Variants in MPPED2 observed in about 807,000 individuals in gnomAD.
MPPED2 encodes the protein metallophosphoesterase domain containing 2.
A neutral mutation model predicts 33.0 loss-of-function variants in MPPED2; 5 were observed. The ratio of observed to expected loss-of-function variants is 0.15; its 90% CI spans 0.08 to 0.32. The LOEUF (loss-of-function observed/expected upper bound fraction) is 0.32, where lower values mean the gene tolerates loss of function less well. Ranked by LOEUF, MPPED2 falls within the 10% of genes least tolerant of loss-of-function variation. The probability of loss-of-function intolerance (pLI) is 1.00; values close to 1 mark genes in which losing one functional copy is unlikely to be tolerated. For missense variants in MPPED2, 275 were observed against 372.1 expected, an observed-to-expected ratio of 0.74 and a Z score of 2.15; for synonymous variants, 136 against 141.9, an observed-to-expected ratio of 0.96 and a Z score of 0.29.
chr11:30,584,860 C>G (rs1399010983), intron 1 of MPPED2: 1 of 152,300 alleles, frequency 6.6e-6, no homozygotes, highest in East Asian at 1.9e-4. Flanking sequence ...GGATCTCCCC[C>G]TCTTCTGACA....
chr11:30,563,138 A>G (rs559671290), intron 2 of MPPED2, among the ~76,000 whole-genome samples: 23 of 151,948 alleles, frequency 1.5e-4, no homozygotes, highest in Admixed American at 1.4e-3. Flanking sequence ...AATGACACCC[A>G]GCTTCCCCCA....
intron 3 of MPPED2, 107 bp downstream of exon 3, chr11:30,535,887 G>T: frequency 2.2e-6 from 2 of 903,964 alleles, no homozygotes; most frequent in East Asian, 2.8e-5. Flanking sequence ...TATCATACGA[G>T]AAATGGCTGA....
chr11:30,567,864 C>G (rs1241866850), intron 2 of MPPED2, among the ~76,000 whole-genome samples: 6 of 152,200 alleles, frequency 3.9e-5, no homozygotes, highest in African/African-American at 1.4e-4. Flanking sequence ...TTTATTAAGT[C>G]TCTGCCCCTG....
At chr11:30,476,783 G>C (rs1951223442) in intron 4 of MPPED2, among the ~76,000 whole-genome samples, 1 of 152,014 alleles carries the variant, frequency 6.6e-6, no homozygotes. Flanking sequence ...CCAAAAGCCT[G>C]CTGAGATTTT....
chr11:30,514,681 T>C (rs779830396), intron 3 of MPPED2, among the ~76,000 whole-genome samples: 3 of 152,236 alleles, frequency 2.0e-5, no homozygotes, highest in Non-Finnish European at 4.4e-5. Context: ...CCTGGTAAGA[T>C]ATTATAATTT....
At chr11:30,497,752 T>C (rs957255382) in intron 3 of MPPED2, among the ~76,000 whole-genome samples, 23 of 152,108 alleles carry the variant, frequency 1.5e-4, no homozygotes, top group Non-Finnish European at 3.2e-4. Context: ...AAGTAAATCT[T>C]TCTCAGAAAG....
chr11:30,530,393 A>G (rs1954452865), intron 3 of MPPED2, among the ~76,000 whole-genome samples: 1 of 152,236 alleles, frequency 6.6e-6, no homozygotes, highest in South Asian at 2.1e-4. Flanking sequence ...TATACTCAGA[A>G]CCAGGCATAC....
intron 2 of MPPED2, among the ~76,000 whole-genome samples, chr11:30,562,760 C>A (rs1017725342): frequency 2.6e-5 from 4 of 152,062 alleles, no homozygotes; most frequent in African/African-American, 9.7e-5. Flanking sequence ...GTAGGCCATA[C>A]GTAAAATTCT....
intron 6 of MPPED2, among the ~76,000 whole-genome samples, chr11:30,394,005 C>T (rs1947810517): frequency 2.6e-5 from 4 of 152,138 alleles, no homozygotes; most frequent in Non-Finnish European, 4.4e-5. Flanking sequence ...TTGTTTTCTT[C>T]AGAATATCAT....
chr11:30,574,362 G>C (rs956110934), intron 2 of MPPED2, among the ~76,000 whole-genome samples: 6 of 152,158 alleles, frequency 3.9e-5, no homozygotes, highest in Non-Finnish European at 8.8e-5. Flanking sequence ...TTGTAGACTA[G>C]GAGCAATAGG....
chr11:30,421,386 C>A (rs951881361), intron 4 of MPPED2, among the ~76,000 whole-genome samples: 1 of 151,910 alleles, frequency 6.6e-6, no homozygotes. Context: ...CCAGAAGTTT[C>A]CAAGTTAAGG....
chr11:30,569,494 G>C (rs892757570), intron 2 of MPPED2, among the ~76,000 whole-genome samples: 2 of 152,128 alleles, frequency 1.3e-5, no homozygotes, highest in Non-Finnish European at 2.9e-5. Context: ...GCTACCGGCT[G>C]TACCCAAAAT....
chr11:30,446,329 C>T (rs759784086), intron 4 of MPPED2, among the ~76,000 whole-genome samples: 21 of 152,200 alleles, frequency 1.4e-4, no homozygotes, highest in Non-Finnish European at 2.1e-4. Flanking sequence ...CTAGCAAGTA[C>T]CAAGCTCTGC....
chr11:30,392,178 G>A (rs1244277350), intron 6 of MPPED2, among the ~76,000 whole-genome samples: 1 of 152,214 alleles, frequency 6.6e-6, no homozygotes, highest in East Asian at 1.9e-4. Context: ...ACACTGGCAT[G>A]TAGAAGATAG....
At chr11:30,581,231 C>T (rs1278955331) in intron 1 of MPPED2, among the ~76,000 whole-genome samples, 3 of 152,160 alleles carry the variant, frequency 2.0e-5, no homozygotes, top group Non-Finnish European at 4.4e-5. Context: ...TTCTTCAAGC[C>T]CCGATGGAGC....
chr11:30,577,778 C>T lies in MPPED2; in HGVS notation c.128+2468G>A, dbSNP rs531015197. On this transcript the variant is annotated intron_variant, in intron 2 of 6. Coordinates refer to ENST00000358117, the MANE Select transcript of MPPED2 (RefSeq NM_001584.3). ...AAAAGGTAAGCCAGCCTCCTGACAA[C>T]ACGTACCATCATGAAAACATTCAAA... Among the ~76,000 whole-genome samples, 3 of 152,282 alleles carry T rather than the reference C, an allele frequency of 2.0e-5. No homozygotes were observed. The South Asian group carries it at 6.2e-4, about 32-fold the overall frequency.
intron 4 of MPPED2, among the ~76,000 whole-genome samples, chr11:30,426,197 T>C (rs1266069672): frequency 1.3e-5 from 2 of 152,222 alleles, no homozygotes; most frequent in Non-Finnish European, 2.9e-5. Context: ...TAACCACTAT[T>C]ATACTTTGTC....
At chr11:30,520,449 A>C (rs1953803550) in intron 3 of MPPED2, among the ~76,000 whole-genome samples, 1 of 152,232 alleles carries the variant, frequency 6.6e-6, no homozygotes, top group African/African-American at 2.4e-5. Flanking sequence ...TAAGGCAAAC[A>C]AAAAGAATGT....
At chr11:30,486,240 G>A (rs1207790134) in intron 4 of MPPED2, among the ~76,000 whole-genome samples, 3 of 152,190 alleles carry the variant, frequency 2.0e-5, no homozygotes, top group African/African-American at 7.2e-5. Context: ...GGTTAAGACT[G>A]TCAATGGGAC....
Sources: allele counts gnomAD v4.1 joint callset (sites outside exome capture counted in the v4.1 genomes callset), GRCh38; gene constraint gnomAD v4.1.1; transcripts MANE v1.5; gene names NCBI Gene and HGNC (gene_info 2026-07-23, HGNC 2026-07-21).